Variants in SLIT3 observed in about 807,000 individuals in gnomAD.
The protein encoded by SLIT3 is slit homolog 3 protein.
Under a neutral mutation model 184.0 loss-of-function variants are expected in SLIT3, and 68 were observed. The ratio of observed to expected loss-of-function variants is 0.37; its 90% confidence interval spans 0.30 to 0.45. The LOEUF is 0.45. Ranked by LOEUF, SLIT3 falls within the 20% of genes least tolerant of loss-of-function variation. The pLI is 1.00. For missense variants in SLIT3, 1,707 were observed against 2,026.0 expected (o/e 0.84, Z 3.02); for synonymous variants, 831 against 828.6 (o/e 1.00, Z -0.05).
chr5:169,052,960 C>A lies in SLIT3; in HGVS notation c.413+140519G>T, dbSNP rs116221640. Reference sequence around the variant, plus strand: ...GTAAACAGGCTGAAAGGCACCGATGCCCAAAGGAAAGTGGGCCACATTTGG... The same window carrying A: ...GTAAACAGGCTGAAAGGCACCGATGACCAAAGGAAAGTGGGCCACATTTGG... On this transcript the variant is annotated intron_variant, in intron 4 of 35. Transcript: ENST00000519560. Among the ~76,000 whole-genome samples the A allele has an allele frequency of 6.7e-3, 1,014 of 152,244 alleles. 13 individuals are homozygous for A. The highest frequency in any genetic ancestry group is 0.023 in the African/African-American group (961 of 41,536).
intron 20 of SLIT3, among the ~76,000 whole-genome samples, chr5:168,741,208 T>C (rs547214365): frequency 6.4e-4 from 97 of 152,254 alleles, no homozygotes; most frequent in African/African-American, 1.3e-3. Flanking sequence ...CGGAGGCTCA[T>C]GCCTGTAATC....
chr5:168,705,541 A>G (rs780513902), intron 26 of SLIT3, among the ~76,000 whole-genome samples: 14 of 152,124 alleles, frequency 9.2e-5, no homozygotes, highest in Non-Finnish European at 1.9e-4. Context: ...CACCATCATC[A>G]CCTTCACCAT....
At chr5:168,930,355 A>G (rs749781553) in intron 4 of SLIT3, among the ~76,000 whole-genome samples, 65 of 152,340 alleles carry the variant, frequency 4.3e-4, no homozygotes, top group Middle Eastern at 3.4e-3. Context: ...AAAGGTGTAT[A>G]TTCAAGCAAA....
At chr5:168,934,071 G>A (rs994801884) in intron 4 of SLIT3, among the ~76,000 whole-genome samples, 1 of 152,270 alleles carries the variant, frequency 6.6e-6, no homozygotes, top group East Asian at 1.9e-4. Context: ...TACACAAACT[G>A]CCATGTTCCT....
Position 169,038,808 on chromosome 5 carries a change from T to C in SLIT3, c.413+154671A>G, listed in dbSNP as rs1186466287. Among the ~76,000 whole-genome samples the C allele has an allele frequency of 4.6e-5, 7 of 152,248 alleles. No individual in the cohort carries two copies. In the East Asian group the frequency reaches 1.4e-3, roughly 29 times the overall value. Reference sequence around the variant, plus strand: ...TGGTGTCACAGGGAGCTATGCTTTGTTCATATGACACACAGTACAAAGAGA... The same window carrying C: ...TGGTGTCACAGGGAGCTATGCTTTGCTCATATGACACACAGTACAAAGAGA... On this transcript the variant is annotated intron_variant, in intron 4 of 35. Transcript: ENST00000519560.
chr5:169,186,899 G>T (rs554387837), intron 4 of SLIT3, among the ~76,000 whole-genome samples: 1 of 152,228 alleles, frequency 6.6e-6, no homozygotes, highest in East Asian at 1.9e-4. Flanking sequence ...GTGACTTGGG[G>T]CTAAGTTGGT....
intron 5 of SLIT3, among the ~76,000 whole-genome samples, chr5:168,880,914 G>A (rs1281906149): frequency 6.6e-6 from 1 of 152,110 alleles, no homozygotes; most frequent in Non-Finnish European, 1.5e-5. Flanking sequence ...ACATTTTCTT[G>A]TATGTACATG....
intron 4 of SLIT3, among the ~76,000 whole-genome samples, chr5:169,181,840 A>G (rs955889822): frequency 6.6e-6 from 1 of 152,198 alleles, no homozygotes; most frequent in Non-Finnish European, 1.5e-5. Context: ...GATAGAAGAG[A>G]TTAGTCATAG....
Position 169,080,032 on chromosome 5 carries a change from C to T in SLIT3, c.413+113447G>A, listed in dbSNP as rs145413323. ...CTTTATTTAAGGGGGGCTACTGCAA[C>T]GGGGGTTTGCATAGGGGAGAGAGAT... is the stretch of plus-strand genomic sequence containing the variant. On this transcript the variant is annotated intron_variant, in intron 4 of 35. Transcript: ENST00000519560. Among the ~76,000 whole-genome samples, 416 of 151,482 alleles carry T rather than the reference C, an allele frequency of 2.7e-3. 2 individuals are homozygous for T. The highest frequency in any genetic ancestry group is 9.8e-3 in the African/African-American group (402 of 41,204).
intron 4 of SLIT3, among the ~76,000 whole-genome samples, chr5:169,132,283 C>A (rs1761330671): frequency 6.6e-6 from 1 of 151,946 alleles, no homozygotes; most frequent in Non-Finnish European, 1.5e-5. Flanking sequence ...GTAGTAAGTT[C>A]TCAGCAAGTT....
intron 4 of SLIT3, among the ~76,000 whole-genome samples, chr5:169,045,174 C>T (rs1247893847): frequency 6.6e-6 from 1 of 152,108 alleles, no homozygotes; most frequent in East Asian, 1.9e-4. Flanking sequence ...TCCTGTTGTG[C>T]CCTGCTATGT....
chr5:168,794,699 G>A (rs1163891001), intron 10 of SLIT3, among the ~76,000 whole-genome samples: 1 of 152,168 alleles, frequency 6.6e-6, no homozygotes, highest in African/African-American at 2.4e-5. Context: ...CCACGGTAAA[G>A]GATGCATGTG....
intron 4 of SLIT3, among the ~76,000 whole-genome samples, chr5:169,053,814 G>A (rs1757892466): frequency 6.6e-6 from 1 of 152,090 alleles, no homozygotes; most frequent in South Asian, 2.1e-4. Flanking sequence ...GGGAACAGGT[G>A]CAGTGGCTCA....
At chr5:168,992,452 T>C (rs542523480) in intron 4 of SLIT3, among the ~76,000 whole-genome samples, 1 of 152,382 alleles carries the variant, frequency 6.6e-6, no homozygotes, top group East Asian at 1.9e-4. Context: ...GCTGGATTTA[T>C]AAATAGGTTA....
chr5:169,201,097 G>C (rs1234146011), intron 3 of SLIT3, among the ~76,000 whole-genome samples: 2 of 152,120 alleles, frequency 1.3e-5, no homozygotes, highest in Non-Finnish European at 2.9e-5. Flanking sequence ...TATTTTGATG[G>C]CTTAGCTGCA....
intron 3 of SLIT3, among the ~76,000 whole-genome samples, chr5:169,240,579 C>CTTTTTTTTTTTTTTTT (rs67955225): frequency 8.7e-6 from 1 of 114,354 alleles, no homozygotes; most frequent in Non-Finnish European, 1.8e-5. Flanking sequence ...CTATCATTTT[C>CTTTTTTTTTTTTTTTT]TTTTTTTTTT....
intron 9 of SLIT3, among the ~76,000 whole-genome samples, chr5:168,801,004 T>A (rs2113618037): frequency 1.3e-5 from 2 of 152,310 alleles, no homozygotes; most frequent in Middle Eastern, 3.4e-3. Flanking sequence ...TAGGTAGGTA[T>A]GATGACCCCC....
intron 8 of SLIT3, among the ~76,000 whole-genome samples, chr5:168,815,603 T>C (rs1413611856): frequency 6.6e-6 from 1 of 152,232 alleles, no homozygotes; most frequent in Non-Finnish European, 1.5e-5. Flanking sequence ...AAGTGATTTC[T>C]AAGTGGGTGT....
At chr5:168,678,859 C>G (rs1257717133) in intron 32 of SLIT3, among the ~76,000 whole-genome samples, 1 of 152,174 alleles carries the variant, frequency 6.6e-6, no homozygotes, top group Non-Finnish European at 1.5e-5. Flanking sequence ...AATGATTAGT[C>G]TCCTGGAGAG....
Sources: allele counts gnomAD v4.1 joint callset (sites outside exome capture counted in the v4.1 genomes callset), GRCh38; gene constraint gnomAD v4.1.1; transcripts MANE v1.5; gene names NCBI Gene and HGNC (gene_info 2026-07-23, HGNC 2026-07-21).